PJA1: variants seen among roughly 807,000 people sequenced by gnomAD.
PJA1 encodes the protein E3 ubiquitin-protein ligase Praja-1.
A neutral mutation model predicts 14.1 loss-of-function variants in PJA1; 5 were observed. The ratio of observed to expected loss-of-function variants is 0.35; its 90% CI spans 0.18 to 0.74. The LOEUF is 0.74. Among genes scored for constraint, PJA1 ranks in the 30% least tolerant of loss-of-function variants. The probability of loss-of-function intolerance (pLI) is 0.56; values close to 1 mark genes in which losing one functional copy is unlikely to be tolerated. For missense variants in PJA1, 394 were observed against 482.6 expected, an observed-to-expected ratio of 0.82 and a Z score of 1.72; for synonymous variants, 174 against 190.9, an observed-to-expected ratio of 0.91 and a Z score of 0.73.
intron 1 of PJA1, 67 bp downstream of exon 1, chrX:69,165,305 G>A (rs5937161): frequency 0.18 from 20,393 of 111,902 alleles, 1,472 homozygotes; most frequent in Non-Finnish European, 0.23. Flanking sequence ...CACTCGCCCC[G>A]CGCCCGGCCA....
In PJA1 at chrX:69,161,574, C is replaced by T. The variant is rs1925021831; in HGVS notation, c.1500G>A (p.Leu500=). ...AQAMETALAH[L]ESLAVDVEVA... is the part of the protein sequence containing the mutation. The stretch of plus-strand genomic sequence containing the variant: ...CCTCTACATCCACTGCGAGAGACTC[C>T]AAGTGCGCAAGGGCAGTTTCCATTG... Residue 500 remains leucine, a synonymous_variant, in exon 2 of 2, where the codon TTG becomes TTA. Transcript: ENST00000374571. The T allele has an allele frequency of 8.3e-7, 1 of 1,209,089 alleles. No homozygotes were observed. Among genetic ancestry groups the T allele is most frequent in the African/African-American group, 1.8e-5 (1 of 56,782 alleles).
Position 69,161,808 on chromosome X carries a change from A to T in PJA1, c.1266T>A (p.Asn422Lys). The T allele has an allele frequency of 1.7e-6, 2 of 1,211,561 alleles. No homozygotes were observed. Among genetic ancestry groups the T allele is most frequent in the Non-Finnish European group, 2.2e-6 (2 of 895,466 alleles). Residue 422 changes from asparagine to lysine, a missense_variant, in exon 2 of 2, where the codon AAT becomes AAA. Transcript: ENST00000374571. ...HENDSSSEGD[N>K]DSGHELMQPG... is the part of the protein sequence containing the mutation. ...GTTGCATCAACTCGTGACCAGAATC[A>T]TTATCCCCCTCACTGCTACTGTCAT... is the stretch of plus-strand genomic sequence containing the variant.
intron 1 of PJA1, among the ~76,000 whole-genome samples, chrX:69,164,943 T>C (rs1379708856): frequency 8.9e-6 from 1 of 111,771 alleles, no homozygotes; most frequent in Admixed American, 9.4e-5. Flanking sequence ...CTAAAAATCT[T>C]AACCATTTAC....
Position 69,161,931 on chromosome X carries a change from A to G in PJA1, c.1143T>C (p.Asn381=). ...GAGAGASAGS[N]GSNYLEEVRE... is the part of the protein sequence containing the mutation. ...GAACTTCTTCAAGGTAATTGCTGCC[A>G]TTGCTGCCAGCACTGGCCCCGGCGC... is the stretch of plus-strand genomic sequence containing the variant. The change falls in exon 2 of 2, where the codon AAT becomes AAC. Residue 381 remains asparagine, a synonymous_variant. Transcript: ENST00000374571. The G allele has an allele frequency of 8.3e-7, 1 of 1,210,168 alleles. No homozygotes were observed. Among genetic ancestry groups the G allele is most frequent in the East Asian group, 3.0e-5 (1 of 33,656 alleles).
intron 1 of PJA1, among the ~76,000 whole-genome samples, chrX:69,164,007 C>T (rs916574676): frequency 9.0e-6 from 1 of 110,563 alleles, no homozygotes; most frequent in African/African-American, 3.3e-5. Context: ...GCGTATGTCA[C>T]AGGCAGAGGA....
intron 1 of PJA1, 192 bp from the exon 2 acceptor site, chrX:69,163,332 A>T: frequency 1.1e-6 from 1 of 941,345 alleles, no homozygotes; most frequent in Non-Finnish European, 1.5e-6. Flanking sequence ...AAGTAAAATC[A>T]GTTTAGAATA....
In PJA1 at chrX:69,161,623, G is replaced by T; in HGVS notation, c.1451C>A (p.Ala484Glu). 8.3e-7 allele frequency: 1 copy of T among 1,211,585 alleles called. No homozygotes were observed. Among genetic ancestry groups the T allele is most frequent in the Non-Finnish European group, 1.1e-6 (1 of 895,516 alleles). ...YVDPQFLTYMALEERLAQAME... is the reference protein window; with the variant it reads ...YVDPQFLTYMELEERLAQAME... ...TGCCTGGGCCAGGCGTTCTTCAAGT[G>T]CCATGTAGGTGAGGAACTGAGGGTC... The change falls in exon 2 of 2, where the codon GCA (alanine) becomes GAA (glutamate). Residue 484 changes from alanine (A) to glutamate (E), a missense_variant. Coordinates refer to ENST00000374571, the MANE Select transcript of PJA1 (RefSeq NM_001032396.4).
rs1230299707 is a variant in PJA1, at chrX:69,162,139, C to G, written c.935G>C (p.Ser312Thr). 8.3e-7 allele frequency: 1 copy of G among 1,211,655 alleles called. No individual in the cohort carries two copies. Among genetic ancestry groups the G allele is most frequent in the East Asian group, 3.0e-5 (1 of 33,778 alleles). The part of the protein sequence containing the change: ...YYKYCDEDSD[S>T]DKEWIAALRR... ...CAGAGCAGCAATCCACTCTTTGTCA[C>G]TGTCAGAGTCTTCGTCGCAGTATTT... Residue 312 changes from serine to threonine, a missense_variant, in exon 2 of 2, where the codon AGT (serine) becomes ACT (threonine). Transcript: ENST00000374571.
intron 1 of PJA1, 170 bp from the exon 2 acceptor site, chrX:69,163,310 T>A: frequency 1.9e-6 from 2 of 1,050,950 alleles, no homozygotes; most frequent in Non-Finnish European, 2.6e-6. Context: ...TGCACACGTT[T>A]TTGAGATGGG....
intron 1 of PJA1, among the ~76,000 whole-genome samples, chrX:69,164,769 T>A (rs1925217771): frequency 9.6e-6 from 1 of 104,266 alleles, no homozygotes; most frequent in Non-Finnish European, 2.0e-5. Context: ...GGGGACGCAA[T>A]GTCATAAAAA....
Position 69,163,061 on chromosome X carries a change from C to T in PJA1, c.13G>A (p.Ala5Thr). 8.3e-7 allele frequency: 1 copy of T among 1,211,370 alleles called. No individual in the cohort carries two copies. Among genetic ancestry groups the T allele is most frequent in the Non-Finnish European group, 1.1e-6 (1 of 895,518 alleles). Reference sequence around the variant, plus strand: ...CTCCTCTTGGTGGTTTGACTGGGGGCTGATCTGTGCATTGGGACTTCGGAG... The same window carrying T: ...CTCCTCTTGGTGGTTTGACTGGGGGTTGATCTGTGCATTGGGACTTCGGAG... MHRS[A>T]PSQTTKRSRS... Residue 5 changes from alanine (A) to threonine (T), a missense_variant, in exon 2 of 2, where the codon GCC (alanine) becomes ACC (threonine). Physicochemically the swap from Ala to Thr is moderately conservative, Grantham distance 58. This residue lies in a region of PJA1 where 378 missense variants were observed against 439.3 expected (regional missense o/e 0.86). Coordinates refer to ENST00000374571, the MANE Select transcript of PJA1 (RefSeq NM_001032396.4).
In PJA1 at chrX:69,162,915, A is replaced by ACC; in HGVS notation, c.157_158dup (p.Ser54ValfsTer32). On this transcript the variant is annotated frameshift_variant, in exon 2 of 2. Coordinates refer to ENST00000374571, the MANE Select transcript of PJA1 (RefSeq NM_001032396.4). LOFTEE classifies it low-confidence loss of function (END_TRUNC). ...GTCCATAGGCCATTCCTCTTCTGCT[A>ACC]CCCGAAGCTCTGTACTCTCTTGGCG... The ACC allele has an allele frequency of 8.3e-7, 1 of 1,211,063 alleles. No homozygotes were observed. Among genetic ancestry groups the ACC allele is most frequent in the Non-Finnish European group, 1.1e-6 (1 of 895,431 alleles).
chrX:69,162,201 G>A lies in PJA1; in HGVS notation c.873C>T (p.Ala291=), dbSNP rs1437432245. The A allele has an allele frequency of 4.1e-6, 5 of 1,208,777 alleles. No individual in the cohort carries two copies. The highest frequency in any genetic ancestry group is 4.5e-6 in the Non-Finnish European group (4 of 894,948). Residue 291 remains alanine (A), a synonymous_variant, in exon 2 of 2, where the codon GCC becomes GCT. Transcript: ENST00000374571. ...CACTGTGCGTCCAGAAGTCAGGGTC[G>A]GCCATGGTGCGTCGTCGTCTCGGCA... The part of the protein sequence containing the change: ...EKVPRRRRTM[A]DPDFWTHSDD...
In PJA1 at chrX:69,161,577, G is replaced by A; in HGVS notation, c.1497C>T (p.His499=). The A allele has an allele frequency of 4.1e-6, 5 of 1,211,731 alleles. No individual in the cohort carries two copies. The highest frequency in any genetic ancestry group is 5.6e-6 in the Non-Finnish European group (5 of 895,545). Residue 499 remains histidine, a synonymous_variant, in exon 2 of 2, where the codon CAC becomes CAT. Transcript: ENST00000374571. Reference sequence around the variant, plus strand: ...CTACATCCACTGCGAGAGACTCCAAGTGCGCAAGGGCAGTTTCCATTGCCT... The same window carrying A: ...CTACATCCACTGCGAGAGACTCCAAATGCGCAAGGGCAGTTTCCATTGCCT... ...LAQAMETALA[H]LESLAVDVEV...
chrX:69,161,111 C>G lies in PJA1; in HGVS notation c.*196G>C, dbSNP rs1349427069. 1.3e-5 allele frequency: 8 copies of G among 620,838 alleles called. No homozygotes were observed. Among genetic ancestry groups the G allele is most frequent in the Non-Finnish European group, 1.8e-5 (8 of 450,722 alleles). The allele number at this position is 620,838 out of a possible 1,213,427, so 51.2% of individuals were successfully genotyped here. ...GAAAGTTTAGTTTTCCCTTTTCTAACCTCTAAAAGATGATATGATTTTTAA... is the reference window on the plus strand; with the variant it reads ...GAAAGTTTAGTTTTCCCTTTTCTAAGCTCTAAAAGATGATATGATTTTTAA... On this transcript the variant is annotated 3_prime_UTR_variant, in exon 2 of 2. Coordinates refer to ENST00000374571, the MANE Select transcript of PJA1 (RefSeq NM_001032396.4).
At position 69,162,569 on chromosome X, in the gene PJA1, T is replaced by G; in HGVS notation, c.505A>C (p.Arg169=). 1.7e-6 allele frequency: 2 copies of G among 1,210,915 alleles called. No homozygotes were observed. The highest frequency in any genetic ancestry group is 2.2e-6 in the Non-Finnish European group (2 of 895,421). Reference sequence around the variant, plus strand: ...CGTGCAGGTAAATTTTGCTCCCTTCTCTCCCTCTCCGAGCTGTCACCTTTT... The same window carrying G: ...CGTGCAGGTAAATTTTGCTCCCTTCGCTCCCTCTCCGAGCTGTCACCTTTT... ...ATKGDSSERE[R]REQNLPARPS... The change falls in exon 2 of 2, where the codon AGA becomes CGA. Residue 169 remains arginine, a synonymous_variant. Coordinates refer to ENST00000374571, the MANE Select transcript of PJA1 (RefSeq NM_001032396.4).
At chrX:69,164,705 G>C (rs1305502200) in intron 1 of PJA1, among the ~76,000 whole-genome samples, 1 of 90,176 alleles carries the variant, frequency 1.1e-5, no homozygotes, top group African/African-American at 4.1e-5. Flanking sequence ...GGCTGCAATG[G>C]AAGGCTTCTG....
chrX:69,161,464 T>C lies in PJA1; in HGVS notation c.1610A>G (p.Glu537Gly). The C allele has an allele frequency of 8.3e-7, 1 of 1,211,566 alleles. No homozygotes were observed. The highest frequency in any genetic ancestry group is 1.1e-6 in the Non-Finnish European group (1 of 895,450). Residue 537 changes from glutamate to glycine, a missense_variant, in exon 2 of 2, where the codon GAG becomes GGG. By Grantham distance (98) the Glu-to-Gly change is moderately conservative (BLOSUM62 -2). Coordinates refer to ENST00000374571, the MANE Select transcript of PJA1 (RefSeq NM_001032396.4). The stretch of plus-strand genomic sequence containing the variant: ...GCTACAGCAGATGGGGCAGCACATC[T>C]CCTGACCAACTGCGCCATGATCTTC... ...VTEDHGAVGQEMCCPICCSEY... is the reference protein window; with the variant it reads ...VTEDHGAVGQGMCCPICCSEY...
In PJA1 at chrX:69,163,912, C is replaced by T. The variant is rs191615533; in HGVS notation, c.-67-772G>A. On this transcript the variant is annotated intron_variant, in intron 1 of 1. Transcript: ENST00000374571. ...GGGGTGGCTTTGGAGGAGAGGGGTG[C>T]GTGTATGTATGAGGAAAGGGAAGGT... is the stretch of plus-strand genomic sequence containing the variant. Among the ~76,000 whole-genome samples, 15 of 108,851 alleles carry T rather than the reference C, an allele frequency of 1.4e-4. No homozygotes were observed. The East Asian group carries it at 2.3e-3, about 17-fold the overall frequency. The allele number at this position is 108,851 out of a possible 115,157, so 94.5% of individuals were successfully genotyped here.
Sources: gnomAD v4.1 joint callset for allele counts (sites outside exome capture counted in the v4.1 genomes callset) on GRCh38, gnomAD v4.1.1 for gene constraint, gnomAD v4.1.1 regional missense constraint, MANE v1.5 for transcripts, NCBI Gene and HGNC (gene_info 2026-07-23, HGNC 2026-07-21) for gene names.